HDAC9: variants seen among roughly 807,000 people sequenced by gnomAD.
The protein encoded by HDAC9 is MEF-2 interacting transcription repressor (MITR) protein.
Under a neutral mutation model 139.4 loss-of-function variants are expected in HDAC9, and 41 were observed. That is an observed-to-expected ratio of 0.29 (90% confidence interval 0.23 to 0.38). The LOEUF (loss-of-function observed/expected upper bound fraction) is 0.38. HDAC9 is among the 10% of genes least tolerant of loss of function. HDAC9 has a pLI of 1.00. For missense variants in HDAC9, 1,147 were observed against 1,297.0 expected (o/e 0.88, Z 1.78); for synonymous variants, 517 against 476.2 (o/e 1.09, Z -1.12).
At chr7:18,420,005 C>T (rs1789469975) in intron 1 of HDAC9, among the ~76,000 whole-genome samples, 1 of 152,034 alleles carries the variant, frequency 6.6e-6, no homozygotes, top group Non-Finnish European at 1.5e-5. Flanking sequence ...GAGAATAGCC[C>T]CTGTTTTGTA....
intron 13 of HDAC9, among the ~76,000 whole-genome samples, chr7:18,740,757 G>A (rs1787374416): frequency 6.6e-6 from 1 of 152,166 alleles, no homozygotes; most frequent in Admixed American, 6.5e-5. Context: ...GCAAAAGCTG[G>A]GCCTCTTGTG....
intron 2 of HDAC9, among the ~76,000 whole-genome samples, chr7:18,220,090 A>G (rs969153939): frequency 3.3e-5 from 5 of 152,226 alleles, no homozygotes; most frequent in Non-Finnish European, 5.9e-5. Context: ...AGGAATAACT[A>G]TGGAAATGTG....
intron 2 of HDAC9, among the ~76,000 whole-genome samples, chr7:18,260,323 GTT>G (rs368857394): frequency 5.4e-4 from 62 of 115,638 alleles, no homozygotes; most frequent in African/African-American, 1.7e-3. Flanking sequence ...TTTTTTTTTT[GTT>G]TTTTTTTTTT....
chr7:18,664,559 C>G (rs1018611409), intron 11 of HDAC9, among the ~76,000 whole-genome samples: 3 of 152,100 alleles, frequency 2.0e-5, no homozygotes, highest in Non-Finnish European at 2.9e-5. Flanking sequence ...ATGCGCTGGT[C>G]TCCTTTTCCA....
At chr7:18,182,541 G>A (rs1174478610) in intron 2 of HDAC9, among the ~76,000 whole-genome samples, 1 of 152,182 alleles carries the variant, frequency 6.6e-6, no homozygotes. Context: ...AAGATAGCTA[G>A]CATTTGTTGA....
intron 25 of HDAC9, among the ~76,000 whole-genome samples, chr7:18,983,276 C>T (rs535868649): frequency 6.4e-4 from 98 of 152,232 alleles, no homozygotes; most frequent in African/African-American, 2.2e-3. Flanking sequence ...CATATGAAAA[C>T]ATTTCCTTCT....
intron 21 of HDAC9, among the ~76,000 whole-genome samples, chr7:18,870,280 C>T (rs1465839621): frequency 6.6e-6 from 1 of 152,144 alleles, no homozygotes; most frequent in African/African-American, 2.4e-5. Context: ...GACATCATGC[C>T]TCCTCAATCT....
intron 6 of HDAC9, among the ~76,000 whole-genome samples, chr7:18,628,210 T>G (rs957272826): frequency 6.6e-6 from 1 of 152,146 alleles, no homozygotes; most frequent in Non-Finnish European, 1.5e-5. Flanking sequence ...AGCAACATTT[T>G]CAGTATTTAG....
intron 1 of HDAC9, among the ~76,000 whole-genome samples, chr7:18,337,868 A>G (rs1781696545): frequency 6.6e-6 from 1 of 151,748 alleles, no homozygotes; most frequent in South Asian, 2.1e-4. Context: ...ATAACTGTGA[A>G]TGATGGATAA....
At chr7:18,720,317 T>G (rs2129123473) in intron 12 of HDAC9, among the ~76,000 whole-genome samples, 1 of 151,922 alleles carries the variant, frequency 6.6e-6, no homozygotes, top group South Asian at 2.1e-4. Context: ...ATTAATTTAT[T>G]TAATTTTAAT....
chr7:18,966,517 T>G (rs191561140), intron 24 of HDAC9, among the ~76,000 whole-genome samples: 3 of 151,884 alleles, frequency 2.0e-5, no homozygotes, highest in Non-Finnish European at 4.4e-5. Context: ...CCTGCCACCA[T>G]GATGAAACCC....
chr7:18,804,721 C>G (rs1313077577), intron 17 of HDAC9, among the ~76,000 whole-genome samples: 1 of 152,196 alleles, frequency 6.6e-6, no homozygotes, highest in Non-Finnish European at 1.5e-5. Flanking sequence ...CCAAAGAAGA[C>G]TGCAATTATC....
intron 1 of HDAC9, among the ~76,000 whole-genome samples, chr7:18,298,253 T>C (rs1434864381): frequency 6.6e-6 from 1 of 152,102 alleles, no homozygotes; most frequent in Non-Finnish European, 1.5e-5. Flanking sequence ...AAACATAACA[T>C]TAGAAATGTA....
chr7:18,635,538 A>G (rs1373799789), intron 8 of HDAC9, among the ~76,000 whole-genome samples: 1 of 152,108 alleles, frequency 6.6e-6, no homozygotes, highest in Non-Finnish European at 1.5e-5. Context: ...GTTTCTGTAT[A>G]AGGCTATCAA....
intron 21 of HDAC9, among the ~76,000 whole-genome samples, chr7:18,857,326 A>G (rs1797758161): frequency 8.5e-6 from 1 of 117,202 alleles, no homozygotes; most frequent in Non-Finnish European, 1.7e-5. Context: ...TTCACAAAAT[A>G]TGTTTTAGTT....
intron 2 of HDAC9, among the ~76,000 whole-genome samples, chr7:18,174,154 T>C (rs1314914335): frequency 6.6e-6 from 1 of 152,228 alleles, no homozygotes; most frequent in Non-Finnish European, 1.5e-5. Context: ...TTCTTTTTAC[T>C]CTTTTTTTCT....
At chr7:18,781,792 A>G (rs993282383) in intron 16 of HDAC9, among the ~76,000 whole-genome samples, 1 of 152,074 alleles carries the variant, frequency 6.6e-6, no homozygotes, top group Non-Finnish European at 1.5e-5. Context: ...TTGTTTCCCA[A>G]GGCAAACACA....
At chr7:18,527,049 G>C (rs1042723317) in intron 2 of HDAC9, among the ~76,000 whole-genome samples, 2 of 152,088 alleles carry the variant, frequency 1.3e-5, no homozygotes, top group Non-Finnish European at 2.9e-5. Context: ...ATAATGGATA[G>C]AAAAGAGTTC....
intron 2 of HDAC9, chr7:18,509,582 A>G (rs3807923): frequency 2.4e-6 from 1 of 415,518 alleles, no homozygotes; most frequent in East Asian, 1.6e-4. Context: ...TAGTCTAAGA[A>G]TTACCAGGTA....
Sources: gnomAD v4.1 joint callset for allele counts (sites outside exome capture counted in the v4.1 genomes callset) on GRCh38, gnomAD v4.1.1 for gene constraint, MANE v1.5 for transcripts, NCBI Gene and HGNC (gene_info 2026-07-23, HGNC 2026-07-21) for gene names.